The following DNAH2 variants were observed in gnomAD, a reference collection of about 807,000 sequenced individuals.
DNAH2 encodes axonemal beta dynein heavy chain 2.
Under a neutral mutation model 523.5 loss-of-function variants are expected in DNAH2, and 323 were observed. The ratio of observed to expected loss-of-function variants is 0.62; its 90% CI spans 0.56 to 0.68. The LOEUF (loss-of-function observed/expected upper bound fraction) is 0.68, where lower values mean the gene tolerates loss of function less well. DNAH2 is among the 30% of genes least tolerant of loss of function. The probability of loss-of-function intolerance (pLI) is 0.00; values close to 1 mark genes in which losing one functional copy is unlikely to be tolerated. For synonymous variants in DNAH2, 2,093 were observed against 2,177.4 expected, an observed-to-expected ratio of 0.96 and a Z score of 1.08; for missense variants, 4,907 against 5,701.5, an observed-to-expected ratio of 0.86 and a Z score of 4.49.
At chr17:7,774,050 A>G (rs1003827259) in intron 28 of DNAH2, among the ~76,000 whole-genome samples, 1 of 152,200 alleles carries the variant, frequency 6.6e-6, no homozygotes, top group Admixed American at 6.5e-5. Flanking sequence ...TTCTTACTGT[A>G]GATCTCAGCA....
intron 77 of DNAH2, among the ~76,000 whole-genome samples, chr17:7,829,911 A>G (rs1409427354): frequency 6.6e-6 from 1 of 151,802 alleles, no homozygotes; most frequent in Non-Finnish European, 1.5e-5. Flanking sequence ...CTGTAATCAC[A>G]GCTACTTGGG....
Position 7,739,799 on chromosome 17 carries a change from T to G in DNAH2, c.1237T>G (p.Phe413Val), listed in dbSNP as rs1331436615. The change falls in exon 9 of 86, where the codon TTT becomes GTT. Residue 413 changes from phenylalanine (F) to valine (V), a missense_variant. Around this residue, in one of 3 missense-constraint regions of DNAH2, gnomAD observed 2,806 missense variants for 3,190.8 expected, o/e 0.88. Coordinates refer to ENST00000572933, the MANE Select transcript of DNAH2 (RefSeq NM_020877.5). Reference protein sequence around the residue: ...DGKQGPLPCFFGAQGPQITRN... With the variant: ...DGKQGPLPCFVGAQGPQITRN... ...CAAGCAGGGTCCCCTTCCTTGCTTC[T>G]TTGGTGCCCAGGGGCCACAGATAAC... is the stretch of plus-strand genomic sequence containing the variant. The G allele has an allele frequency of 6.2e-7, 1 of 1,613,944 alleles. No homozygotes were observed. The highest frequency in any genetic ancestry group is 2.2e-5 in the East Asian group (1 of 44,880).
At chr17:7,733,382 G>A in intron 5 of DNAH2, 67 bp downstream of exon 5, 1 of 1,525,162 alleles carries the variant, frequency 6.6e-7, no homozygotes, top group East Asian at 2.3e-5. Context: ...TAGTGAAGTG[G>A]TGGGTCCTTC....
chr17:7,723,607 T>C, intron 2 of DNAH2, 21 bp from the exon 3 acceptor site: 3 of 1,612,004 alleles, frequency 1.9e-6, no homozygotes, highest in Non-Finnish European at 2.5e-6. Context: ...GCCTTCCTTT[T>C]TGTATGTTTA....
chr17:7,737,873 G>T, intron 8 of DNAH2: 1 of 673,490 alleles, frequency 1.5e-6, no homozygotes. Context: ...GGAGTAGGGG[G>T]CTGAGACATG....
rs2076798474 is a variant in DNAH2, at chr17:7,788,213, T to C, written c.6869T>C (p.Leu2290Pro). ...EYSGITSLCK[L>P]YSALATPENG... ...AGCGGTATCACCTCCCTCTGCAAGC[T>C]GTACTCTGCCCTGGCCACGCCAGAG... Residue 2290 changes from leucine (L) to proline (P), a missense_variant, in exon 44 of 86, where the codon CTG becomes CCG. Transcript: ENST00000572933. The C allele has an allele frequency of 6.2e-7, 1 of 1,604,582 alleles. No individual in the cohort carries two copies. Among genetic ancestry groups the C allele is most frequent in the Non-Finnish European group, 8.5e-7 (1 of 1,175,568 alleles).
In DNAH2 at chr17:7,807,226, G is replaced by T; in HGVS notation, c.9519G>T (p.Gly3173=). 1 of 1,613,690 alleles carries T rather than the reference G, an allele frequency of 6.2e-7. No individual in the cohort carries two copies. The highest frequency in any genetic ancestry group is 8.5e-7 in the Non-Finnish European group (1 of 1,180,042). Residue 3173 remains glycine (G), a synonymous_variant, in exon 62 of 86, where the codon GGG becomes GGT. Coordinates refer to ENST00000572933, the MANE Select transcript of DNAH2 (RefSeq NM_020877.5). The surrounding 1 kb of genome is among the most constrained non-coding windows in gnomAD (Gnocchi z 5.6). The part of the protein sequence containing the change: ...NISDKVLKKI[G]AYCAQPDFQP... ...CAGATAAGGTTCTGAAGAAGATTGG[G>T]GCCTACTGCGCCCAGCCTGACTTCC... is the stretch of plus-strand genomic sequence containing the variant.
chr17:7,820,704 G>T (rs781692690), intron 72 of DNAH2, among the ~76,000 whole-genome samples: 1 of 152,146 alleles, frequency 6.6e-6, no homozygotes, highest in Admixed American at 6.5e-5. Context: ...GACAGTAGGG[G>T]AATAATGAAT....
At chr17:7,757,380 A>T in intron 13 of DNAH2, 143 bp downstream of exon 13, 1 of 1,100,356 alleles carries the variant, frequency 9.1e-7, no homozygotes, top group Non-Finnish European at 1.3e-6. Flanking sequence ...ATTGTCTCCC[A>T]CTCTTACGGC....
At position 7,786,585 on chromosome 17, in the gene DNAH2, C is replaced by T; in HGVS notation, c.6364C>T (p.Pro2122Ser). The change falls in exon 41 of 86, where the codon CCC becomes TCC. Residue 2122 changes from proline (P) to serine (S), a missense_variant. Physicochemically the swap from Pro to Ser is moderately conservative, Grantham distance 74. Around this residue, in one of 3 missense-constraint regions of DNAH2, gnomAD observed 2,806 missense variants for 3,190.8 expected, o/e 0.88. Coordinates refer to ENST00000572933, the MANE Select transcript of DNAH2 (RefSeq NM_020877.5). This position sits in a 1 kb window ranked among gnomAD's most constrained non-coding sequence, Gnocchi z 7.5. ...TCATTTTCAGGAGTTCCCTTTGAAC[C>T]CCAAGGCATTGTCCCTAGGGGAACT... ...FNIVREFPLN[P>S]KALSLGELYG... 1 of 1,613,866 alleles carries T rather than the reference C, an allele frequency of 6.2e-7. No homozygotes were observed. The highest frequency in any genetic ancestry group is 8.5e-7 in the Non-Finnish European group (1 of 1,179,928).
chr17:7,831,791 T>C lies in DNAH2; in HGVS notation c.12726+16T>C. 6.2e-7 allele frequency: 1 copy of C among 1,604,092 alleles called. No homozygotes were observed. Among genetic ancestry groups the C allele is most frequent in the South Asian group, 1.1e-5 (1 of 90,498 alleles). ...CTGGGGAAAGGCAAGATTATACCATTGTTGATCCTTCTCCAACAATGAGCT... is the reference window on the plus strand; with the variant it reads ...CTGGGGAAAGGCAAGATTATACCATCGTTGATCCTTCTCCAACAATGAGCT... On this transcript the variant is annotated intron_variant, in intron 82 of 85. Coordinates refer to ENST00000572933, the MANE Select transcript of DNAH2 (RefSeq NM_020877.5). The surrounding 1 kb of genome is among the most constrained non-coding windows in gnomAD (Gnocchi z 4.2).
Position 7,812,966 on chromosome 17 carries a change from C to G in DNAH2, c.9730-3605C>G, listed in dbSNP as rs9912376. ...GACTCTGTGTCAAAAAAAAAAAAAG[C>G]CTAAAATGGATACACCAGGCAACAG... is the stretch of plus-strand genomic sequence containing the variant. On this transcript the variant is annotated intron_variant, in intron 63 of 85. Transcript: ENST00000572933. Among the ~76,000 whole-genome samples, 683 of 145,644 alleles carry G rather than the reference C, an allele frequency of 4.7e-3. 2 individuals are homozygous for G. The highest frequency in any genetic ancestry group is 0.016 in the African/African-American group (659 of 40,250).
intron 39 of DNAH2, among the ~76,000 whole-genome samples, chr17:7,785,031 G>A (rs149583573): frequency 4.7e-4 from 72 of 151,900 alleles, no homozygotes; most frequent in African/African-American, 1.7e-3. Context: ...GAAAAAGCCC[G>A]AGTGTTTGGA....
At chr17:7,791,066 T>C (rs187654421) in intron 44 of DNAH2, among the ~76,000 whole-genome samples, 1 of 151,706 alleles carries the variant, frequency 6.6e-6, no homozygotes, top group East Asian at 2.0e-4. Flanking sequence ...AGAAAATATG[T>C]TTTTTGTTTT....
rs562605407 is a variant in DNAH2 at position 7,804,192 on chromosome 17, T to C, written c.8973-64T>C. Reference sequence around the variant, plus strand: ...TCGAGACACACGGGGAAGGTGGACCTTACAGGACACCGCGCTTTCCGGAAG... The same window carrying C: ...TCGAGACACACGGGGAAGGTGGACCCTACAGGACACCGCGCTTTCCGGAAG... On this transcript the variant is annotated intron_variant, in intron 58 of 85. Transcript: ENST00000572933. 1.9e-6 allele frequency: 3 copies of C among 1,559,868 alleles called. No homozygotes were observed. In the African/African-American group the frequency reaches 4.1e-5, roughly 21 times the overall value.
chr17:7,756,942 A>G lies in DNAH2; in HGVS notation c.1905-149A>G, dbSNP rs2075857856. 5 of 1,202,508 alleles carry G rather than the reference A, an allele frequency of 4.2e-6. No homozygotes were observed. In the South Asian group the frequency reaches 5.8e-5, roughly 14 times the overall value. The allele number at this position is 1,202,508 out of a possible 1,614,324, so 74.5% of individuals were successfully genotyped here. A position where few individuals can be genotyped will look rare whatever the true frequency, so the allele number is the denominator to read the frequency against. On this transcript the variant is annotated intron_variant, in intron 12 of 85. Transcript: ENST00000572933. ...TGCCTCGGCCCCACAAAGTGCTGGGATTACAGGCGTGAGCCACCATACCAG... is the reference window on the plus strand; with the variant it reads ...TGCCTCGGCCCCACAAAGTGCTGGGGTTACAGGCGTGAGCCACCATACCAG...
At chr17:7,811,719 C>T (rs957432223) in intron 63 of DNAH2, among the ~76,000 whole-genome samples, 2 of 152,168 alleles carry the variant, frequency 1.3e-5, no homozygotes, top group African/African-American at 2.4e-5. Context: ...GGGCCCTACC[C>T]CCGTGACCTA....
chr17:7,788,032 G>C, intron 43 of DNAH2, 35 bp downstream of exon 43: 1 of 1,613,408 alleles, frequency 6.2e-7, no homozygotes, highest in African/African-American at 1.3e-5. Context: ...AAAGTAACCA[G>C]GGTGGCTCCA....
At chr17:7,748,067 TC>T (rs1197484039) in intron 12 of DNAH2, among the ~76,000 whole-genome samples, 1 of 152,244 alleles carries the variant, frequency 6.6e-6, no homozygotes, top group Non-Finnish European at 1.5e-5. Context: ...AGCCTTCCAG[TC>T]CCTAATAGCA....
Sources: allele counts gnomAD v4.1 joint callset (sites outside exome capture counted in the v4.1 genomes callset), GRCh38; gene constraint gnomAD v4.1.1; regional missense constraint gnomAD v4.1.1; non-coding constraint Gnocchi (gnomAD v3.1); transcripts MANE v1.5; gene names NCBI Gene and HGNC (gene_info 2026-07-23, HGNC 2026-07-21).